Variants in ATRNL1 observed in about 807,000 individuals in gnomAD.
ATRNL1 encodes the protein attractin like 1.
A neutral mutation model predicts 182.7 loss-of-function variants in ATRNL1; 95 were observed. The observed-to-expected ratio is 0.52, with a 90% CI of 0.44 to 0.62. The LOEUF (loss-of-function observed/expected upper bound fraction) is 0.62. Among genes scored for constraint, ATRNL1 ranks in the 20% least tolerant of loss-of-function variants. The pLI is 0.00. For missense variants in ATRNL1, 1,471 were observed against 1,679.5 expected (o/e 0.88, Z 2.17); for synonymous variants, 576 against 568.3 (o/e 1.01, Z -0.19).
chr10:115,928,508 G>C (rs193188444), intron 28 of ATRNL1, among the ~76,000 whole-genome samples: 1 of 151,954 alleles, frequency 6.6e-6, no homozygotes, highest in Non-Finnish European at 1.5e-5. Flanking sequence ...AGTGAAGCTT[G>C]TATTAATTAC....
chr10:115,751,324 A>T (rs1555070579), intron 27 of ATRNL1, among the ~76,000 whole-genome samples: 1 of 152,064 alleles, frequency 6.6e-6, no homozygotes, highest in African/African-American at 2.4e-5. Context: ...CTCCCTGAGA[A>T]CTATTTTTGA....
chr10:115,717,833 C>T (rs1233183277), intron 26 of ATRNL1, among the ~76,000 whole-genome samples: 1 of 152,096 alleles, frequency 6.6e-6, no homozygotes, highest in Non-Finnish European at 1.5e-5. Flanking sequence ...GGATTACAGG[C>T]GTGAGCCACC....
chr10:115,814,754 C>G (rs1274023379), intron 27 of ATRNL1, among the ~76,000 whole-genome samples: 1 of 152,108 alleles, frequency 6.6e-6, no homozygotes, highest in Admixed American at 6.6e-5. Context: ...ATCTTACTGT[C>G]CAGCTTGGTC....
rs1555068847 is a variant in ATRNL1, at chr10:115,745,220, G to A, written c.3903+17865G>A. Among the ~76,000 whole-genome samples the A allele has an allele frequency of 3.3e-5, 5 of 151,918 alleles. No homozygotes were observed. In the South Asian group the frequency reaches 6.2e-4, roughly 19 times the overall value. On this transcript the variant is annotated intron_variant, in intron 27 of 28. Coordinates refer to ENST00000355044, the MANE Select transcript of ATRNL1 (RefSeq NM_207303.4). ...CTCACTGCAACCTCCGCCTCCCGGG[G>A]AACCATATTTTATGCAGACTTCTGT...
At chr10:115,597,594 CAG>C (rs1856329928) in intron 26 of ATRNL1, 1 of 315,638 alleles carries the variant, frequency 3.2e-6, no homozygotes, top group South Asian at 2.1e-5. Context: ...TTTTTGGAGA[CAG>C]AGTCACACTC....
intron 8 of ATRNL1, among the ~76,000 whole-genome samples, chr10:115,207,715 G>C (rs1554894088): frequency 6.6e-6 from 1 of 151,830 alleles, no homozygotes; most frequent in Non-Finnish European, 1.5e-5. Context: ...TGACTCCACT[G>C]TCCTCTGACT....
At chr10:115,396,885 A>G (rs1252043037) in intron 20 of ATRNL1, among the ~76,000 whole-genome samples, 1 of 151,970 alleles carries the variant, frequency 6.6e-6, no homozygotes, top group Non-Finnish European at 1.5e-5. Context: ...GCATATGTGC[A>G]AAATATTAGA....
At chr10:115,495,025 G>C (rs192308814) in intron 24 of ATRNL1, among the ~76,000 whole-genome samples, 159 of 152,038 alleles carry the variant, frequency 1.0e-3, no homozygotes, top group Non-Finnish European at 2.0e-3. Flanking sequence ...CTCATTATTT[G>C]TCTGTTCAGC....
At chr10:115,149,562 T>C (rs1478911346) in intron 5 of ATRNL1, among the ~76,000 whole-genome samples, 6 of 152,296 alleles carry the variant, frequency 3.9e-5, no homozygotes, top group African/African-American at 1.4e-4. Context: ...TGTTGAACTT[T>C]ATCAAATGCT....
chr10:115,339,099 G>C (rs1855622340), intron 19 of ATRNL1, among the ~76,000 whole-genome samples: 1 of 152,156 alleles, frequency 6.6e-6, no homozygotes, highest in African/African-American at 2.4e-5. Flanking sequence ...TTTTATGCCA[G>C]TATTATGCTG....
chr10:115,199,636 T>C (rs1848484844), intron 8 of ATRNL1, among the ~76,000 whole-genome samples: 2 of 152,140 alleles, frequency 1.3e-5, no homozygotes, highest in African/African-American at 2.4e-5. Context: ...TCTTGATATC[T>C]GTGTAGATAA....
At chr10:115,922,734 G>A (rs577959114) in intron 28 of ATRNL1, among the ~76,000 whole-genome samples, 11 of 152,264 alleles carry the variant, frequency 7.2e-5, no homozygotes, top group Admixed American at 2.0e-4. Flanking sequence ...ATGTAGTAGC[G>A]TAAGAACATG....
At chr10:115,906,348 C>T (rs915765330) in intron 28 of ATRNL1, among the ~76,000 whole-genome samples, 15 of 152,056 alleles carry the variant, frequency 9.9e-5, no homozygotes, top group Non-Finnish European at 1.6e-4. Flanking sequence ...TCTGCCTTAA[C>T]ATATTTTAGA....
chr10:115,803,651 C>A (rs114581368), intron 27 of ATRNL1, among the ~76,000 whole-genome samples: 1 of 150,298 alleles, frequency 6.7e-6, no homozygotes, highest in Non-Finnish European at 1.5e-5. Flanking sequence ...CTTTTTGATT[C>A]GGTACATTCC....
intron 19 of ATRNL1, among the ~76,000 whole-genome samples, chr10:115,391,197 C>T (rs1843998997): frequency 6.6e-6 from 1 of 152,102 alleles, no homozygotes; most frequent in Non-Finnish European, 1.5e-5. Context: ...TTTAGTACTA[C>T]ATTGAACAGA....
intron 28 of ATRNL1, among the ~76,000 whole-genome samples, chr10:115,851,129 T>TC (rs1555100407): frequency 6.6e-6 from 1 of 151,854 alleles, no homozygotes; most frequent in Non-Finnish European, 1.5e-5. Flanking sequence ...AAATTTTTTT[T>TC]TTATCAGGCT....
intron 28 of ATRNL1, among the ~76,000 whole-genome samples, chr10:115,848,717 A>C (rs1023934242): frequency 1.3e-5 from 2 of 152,110 alleles, no homozygotes; most frequent in Non-Finnish European, 2.9e-5. Flanking sequence ...TACAGACCAC[A>C]CTTTTTTCTC....
intron 19 of ATRNL1, among the ~76,000 whole-genome samples, chr10:115,369,571 T>C (rs1857277741): frequency 6.6e-6 from 1 of 152,226 alleles, no homozygotes; most frequent in African/African-American, 2.4e-5. Flanking sequence ...GATTTCATTT[T>C]CCTTGGATAT....
intron 1 of ATRNL1, among the ~76,000 whole-genome samples, chr10:115,104,742 CAGCTTCATTATTCTT>C (rs1554865474): frequency 6.6e-6 from 1 of 152,054 alleles, no homozygotes; most frequent in Non-Finnish European, 1.5e-5. Flanking sequence ...GATAGGGGTC[CAGCTTCATTATTCTT>C]CATATGGATA....
Sources: gnomAD v4.1 joint callset for allele counts (sites outside exome capture counted in the v4.1 genomes callset) on GRCh38, gnomAD v4.1.1 for gene constraint, MANE v1.5 for transcripts, NCBI Gene and HGNC (gene_info 2026-07-23, HGNC 2026-07-21) for gene names.